The following CYP2C19 variants were observed in gnomAD, a reference collection of about 807,000 sequenced individuals.
CYP2C19 encodes cytochrome P450 2C19.
In CYP2C19, 59 loss-of-function variants were observed where a neutral mutation model predicts 40.9. That is an observed-to-expected ratio of 1.44 (90% confidence interval 1.17 to 1.79). The LOEUF (loss-of-function observed/expected upper bound fraction) is 1.79. Among genes scored for constraint, CYP2C19 ranks in the 40% most tolerant of loss-of-function variants. CYP2C19 has a pLI of 0.00. For missense variants in CYP2C19, 754 were observed against 596.9 expected (o/e 1.26, Z -2.74); for synonymous variants, 253 against 208.7 (o/e 1.21, Z -1.83).
chr10:94,813,505 G>C (rs970733030), intron 5 of CYP2C19, among the ~76,000 whole-genome samples: 1 of 152,012 alleles, frequency 6.6e-6, no homozygotes, highest in African/African-American at 2.4e-5. Flanking sequence ...TAGAGGGGCA[G>C]TATGGCTACA....
intron 5 of CYP2C19, among the ~76,000 whole-genome samples, chr10:94,795,255 T>G (rs1848666988): frequency 6.7e-6 from 1 of 149,930 alleles, no homozygotes; most frequent in Admixed American, 6.7e-5. Context: ...CATACGGTGT[T>G]TGGTTTTTTC....
intron 6 of CYP2C19, among the ~76,000 whole-genome samples, chr10:94,839,132 G>T (rs532755839): frequency 6.6e-6 from 1 of 152,166 alleles, no homozygotes; most frequent in African/African-American, 2.4e-5. Context: ...TCCTTTCCAG[G>T]GTGCATAACC....
chr10:94,836,907 C>A (rs1420647258), intron 6 of CYP2C19, among the ~76,000 whole-genome samples: 1 of 152,100 alleles, frequency 6.6e-6, no homozygotes, highest in Non-Finnish European at 1.5e-5. Flanking sequence ...TGACTCAAGT[C>A]TTGGGCTAAT....
intron 6 of CYP2C19, among the ~76,000 whole-genome samples, chr10:94,823,977 A>G (rs908062923): frequency 2.3e-4 from 35 of 152,318 alleles, no homozygotes; most frequent in African/African-American, 8.2e-4. Flanking sequence ...AGACAGCAAG[A>G]ACAAGAGATG....
At chr10:94,850,512 T>C (rs939471953) in intron 8 of CYP2C19, among the ~76,000 whole-genome samples, 4 of 152,154 alleles carry the variant, frequency 2.6e-5, no homozygotes, top group African/African-American at 9.7e-5. Context: ...CACTTCTGTG[T>C]TTGGAAAGCA....
At chr10:94,807,738 G>GT (rs1232361070) in intron 5 of CYP2C19, among the ~76,000 whole-genome samples, 3 of 151,866 alleles carry the variant, frequency 2.0e-5, no homozygotes, top group Admixed American at 1.3e-4. Context: ...TGTAGTATTT[G>GT]TTTTTTTGTT....
At chr10:94,847,556 A>C (rs944066609) in intron 7 of CYP2C19, among the ~76,000 whole-genome samples, 1 of 152,136 alleles carries the variant, frequency 6.6e-6, no homozygotes. Flanking sequence ...ATGTGTCTTT[A>C]TAGTAGCATG....
chr10:94,809,137 T>A (rs530111597), intron 5 of CYP2C19, among the ~76,000 whole-genome samples: 9 of 152,258 alleles, frequency 5.9e-5, no homozygotes, highest in African/African-American at 2.2e-4. Context: ...TTAACTGGGG[T>A]GAGATGATAT....
chr10:94,830,673 C>G (rs537918684), intron 6 of CYP2C19, among the ~76,000 whole-genome samples: 1 of 152,316 alleles, frequency 6.6e-6, no homozygotes, highest in South Asian at 2.1e-4. Flanking sequence ...GCCATCTTTG[C>G]TCCTCCCCAC....
At position 94,820,545 on chromosome 10, in the gene CYP2C19, C is replaced by A; in HGVS notation, c.869C>A (p.Thr290Asn). 6.2e-7 allele frequency: 1 copy of A among 1,614,174 alleles called. No homozygotes were observed. Among genetic ancestry groups the A allele is most frequent in the East Asian group, 2.2e-5 (1 of 44,878 alleles). Reference protein sequence around the residue: ...SEFTIENLVITAADLLGAGTE... With the variant: ...SEFTIENLVINAADLLGAGTE... ...TTCACTATTGAAAACTTGGTAATCACTGCAGCTGACTTACTTGGAGCTGGG... is the reference window on the plus strand; with the variant it reads ...TTCACTATTGAAAACTTGGTAATCAATGCAGCTGACTTACTTGGAGCTGGG... Residue 290 changes from threonine (T) to asparagine (N), a missense_variant, in exon 6 of 9, where the codon ACT (threonine) becomes AAT (asparagine). Physicochemically the swap from Thr to Asn is moderately conservative, Grantham distance 65. Transcript: ENST00000371321.
Position 94,850,169 on chromosome 10 carries a change from T to C in CYP2C19, c.1291+111T>C, listed in dbSNP as rs1849631512. ...TGGTACAGTTACTCTTTGTACATGATCAAGAGCACTGTTCTGAATGCCTGT... is the reference window on the plus strand; with the variant it reads ...TGGTACAGTTACTCTTTGTACATGACCAAGAGCACTGTTCTGAATGCCTGT... On this transcript the variant is annotated intron_variant, in intron 8 of 8. Transcript: ENST00000371321. 1.2e-5 allele frequency: 15 copies of C among 1,264,886 alleles called. No individual in the cohort carries two copies. In the Middle Eastern group the frequency reaches 5.8e-4, roughly 49 times the overall value. The allele number at this position is 1,264,886 out of a possible 1,614,324, so 78.4% of individuals were successfully genotyped here.
chr10:94,778,992 C>G (rs1848447492), intron 3 of CYP2C19, among the ~76,000 whole-genome samples: 2 of 152,100 alleles, frequency 1.3e-5, no homozygotes, highest in Non-Finnish European at 2.9e-5. Flanking sequence ...AAACCACCAT[C>G]CTCAGCAAAC....
intron 1 of CYP2C19, among the ~76,000 whole-genome samples, chr10:94,764,743 C>T (rs1226934200): frequency 6.6e-6 from 1 of 152,130 alleles, no homozygotes; most frequent in Non-Finnish European, 1.5e-5. Flanking sequence ...GTAAGACCAT[C>T]TGTAGCTTGA....
intron 5 of CYP2C19, among the ~76,000 whole-genome samples, chr10:94,815,033 A>G (rs1848980414): frequency 7.3e-6 from 1 of 137,836 alleles, no homozygotes; most frequent in Non-Finnish European, 1.5e-5. Context: ...CCTCTGATGT[A>G]GAAGGGGTGC....
In CYP2C19 at chr10:94,853,291, C is replaced by A; in HGVS notation, c.*377C>A. On this transcript the variant is annotated 3_prime_UTR_variant, in exon 9 of 9. Transcript: ENST00000371321. The stretch of plus-strand genomic sequence containing the variant: ...GTTATTAGACCTTCCTTCCTTTGTG[C>A]ATAATGCAGGTGACAAATTAAAGAA... 1 of 380,606 alleles carries A rather than the reference C, an allele frequency of 2.6e-6. No homozygotes were observed. The highest frequency in any genetic ancestry group is 2.1e-5 in the South Asian group (1 of 47,044). 23.6% of individuals were successfully genotyped at this position (380,606 alleles called of 1,614,324 possible). A position where few individuals can be genotyped will look rare whatever the true frequency, so the allele number is the denominator to read the frequency against.
At chr10:94,821,025 G>T (rs895315562) in intron 6 of CYP2C19, among the ~76,000 whole-genome samples, 36 of 152,166 alleles carry the variant, frequency 2.4e-4, no homozygotes, top group Non-Finnish European at 4.4e-4. Context: ...GGAGGTTGCA[G>T]TGAGCCAAGA....
At position 94,815,332 on chromosome 10, in the gene CYP2C19, G is replaced by A. The variant is rs890269542; in HGVS notation, c.820-5164G>A. Among the ~76,000 whole-genome samples, 11 of 152,298 alleles carry A rather than the reference G, an allele frequency of 7.2e-5. No homozygotes were observed. The South Asian group carries it at 8.3e-4, about 11-fold the overall frequency. Reference sequence around the variant, plus strand: ...CTACACAATGTTTAACATGACACAGGTCACTTGGAGACTCTAAAAGCATAA... The same window carrying A: ...CTACACAATGTTTAACATGACACAGATCACTTGGAGACTCTAAAAGCATAA... On this transcript the variant is annotated intron_variant, in intron 5 of 8. Transcript: ENST00000371321.
intron 1 of CYP2C19, among the ~76,000 whole-genome samples, chr10:94,768,191 T>C (rs1389485762): frequency 2.0e-5 from 3 of 152,170 alleles, no homozygotes; most frequent in African/African-American, 2.4e-5. Context: ...CATTTATTCT[T>C]TTTCCCTTTC....
intron 5 of CYP2C19, among the ~76,000 whole-genome samples, chr10:94,803,360 G>C (rs1358541859): frequency 6.6e-6 from 1 of 152,080 alleles, no homozygotes; most frequent in African/African-American, 2.4e-5. Flanking sequence ...TTTTATATCG[G>C]CCTGTGCAGT....
Sources: gnomAD v4.1 joint callset for allele counts (sites outside exome capture counted in the v4.1 genomes callset) on GRCh38, gnomAD v4.1.1 for gene constraint, MANE v1.5 for transcripts, NCBI Gene and HGNC (gene_info 2026-07-23, HGNC 2026-07-21) for gene names.